The following ZNF721 variants were observed in gnomAD, a reference collection of about 807,000 sequenced individuals.
ZNF721 encodes the protein zinc finger protein 721.
In ZNF721, 2 loss-of-function variants were observed where a neutral mutation model predicts 2.4. That is an observed-to-expected ratio of 0.82 (90% CI 0.34 to 2.58). The LOEUF (loss-of-function observed/expected upper bound fraction) is 2.58. ZNF721 is among the 30% of genes most tolerant of loss of function. The pLI, the probability that ZNF721 is intolerant of heterozygous loss-of-function variation, is 0.11. For synonymous variants in ZNF721, 398 were observed against 381.8 expected (o/e 1.04, Z -0.50); for missense variants, 1,187 against 1,085.5 (o/e 1.09, Z -1.31).
At chr4:490,398 G>A (rs1423735243) in intron 1 of ZNF721, among the ~76,000 whole-genome samples, 1 of 151,942 alleles carries the variant, frequency 6.6e-6, no homozygotes, top group Non-Finnish European at 1.5e-5. Context: ...GAACCCAGGA[G>A]GCAGAGCTTG....
chr4:490,567 G>T (rs1553871340), intron 1 of ZNF721, among the ~76,000 whole-genome samples: 1 of 152,134 alleles, frequency 6.6e-6, no homozygotes, highest in Non-Finnish European at 1.5e-5. Context: ...ATAAAAAATG[G>T]AAAATTCACA....
intron 1 of ZNF721, chr4:474,084 C>A (rs782472042): frequency 4.1e-5 from 56 of 1,374,224 alleles, no homozygotes; most frequent in Non-Finnish European, 5.4e-5. Flanking sequence ...ATCACCGAGG[C>A]CTCCCTGAGG....
At chr4:463,745 G>A (rs1202297103) in intron 2 of ZNF721, among the ~76,000 whole-genome samples, 5 of 152,052 alleles carry the variant, frequency 3.3e-5, no homozygotes, top group Non-Finnish European at 5.9e-5. Flanking sequence ...ATCACACACC[G>A]GGACTTGTAA....
intron 1 of ZNF721, chr4:474,092 A>G: frequency 7.5e-7 from 1 of 1,331,634 alleles, no homozygotes; most frequent in Non-Finnish European, 1.0e-6. Flanking sequence ...GGCCTCCCTG[A>G]GGTGTGGAAG....
At chr4:451,509 G>T (rs1714660810) in intron 2 of ZNF721, among the ~76,000 whole-genome samples, 1 of 152,164 alleles carries the variant, frequency 6.6e-6, no homozygotes, top group Non-Finnish European at 1.5e-5. Context: ...ACAGATGGTG[G>T]CTGACTCTGG....
chr4:456,796 T>G (rs2108699312), intron 2 of ZNF721, among the ~76,000 whole-genome samples: 1 of 152,266 alleles, frequency 6.6e-6, no homozygotes, highest in South Asian at 2.1e-4. Context: ...GAAGAATCAC[T>G]TGAATCCGGG....
chr4:463,164 G>C (rs778015568), intron 2 of ZNF721, among the ~76,000 whole-genome samples: 2 of 152,148 alleles, frequency 1.3e-5, no homozygotes, highest in Non-Finnish European at 2.9e-5. Flanking sequence ...AAAGCTCATC[G>C]TCACTGGTCG....
chr4:469,891 AC>A (rs1432651673), intron 2 of ZNF721, among the ~76,000 whole-genome samples: 1 of 151,996 alleles, frequency 6.6e-6, no homozygotes, highest in African/African-American at 2.4e-5. Context: ...TAAAAGTAGA[AC>A]TTTTTTTTTG....
Position 444,343 on chromosome 4 carries a change from A to G in ZNF721, c.124T>C (p.Cys42Arg), listed in dbSNP as rs1553863910. Reference sequence around the variant, plus strand: ...CTTAATTGTAAATTATCATGCCCACATTTCTCATATCTTCTCAGTATAAGT... The same window carrying G: ...CTTAATTGTAAATTATCATGCCCACGTTTCTCATATCTTCTCAGTATAAGT... ...HKLILRRYEK[C>R]GHDNLQLRKG... Residue 42 changes from cysteine to arginine, a missense_variant, in exon 3 of 3, where the codon TGT becomes CGT. Cys to Arg is a radical substitution (Grantham distance 180). Transcript: ENST00000511833. 1 of 1,614,046 alleles carries G rather than the reference A, an allele frequency of 6.2e-7. No homozygotes were observed. The highest frequency in any genetic ancestry group is 1.3e-5 in the African/African-American group (1 of 75,050).
chr4:495,312 A>C (rs1716121051), intron 1 of ZNF721, among the ~76,000 whole-genome samples: 1 of 109,424 alleles, frequency 9.1e-6, no homozygotes, highest in Non-Finnish European at 1.7e-5. Flanking sequence ...TCAACTGAAC[A>C]AAAAAAAAAA....
chr4:489,574 C>T (rs782175707), intron 1 of ZNF721, among the ~76,000 whole-genome samples: 2 of 152,184 alleles, frequency 1.3e-5, no homozygotes, highest in Non-Finnish European at 2.9e-5. Flanking sequence ...CTGTCCCACC[C>T]ACCCTTGAGC....
At chr4:481,764 G>A (rs918170339) in intron 1 of ZNF721, among the ~76,000 whole-genome samples, 10 of 152,168 alleles carry the variant, frequency 6.6e-5, no homozygotes, top group Non-Finnish European at 4.4e-5. Context: ...ATGCCCTTCA[G>A]CAGTTGAACA....
intron 1 of ZNF721, chr4:474,218 A>G (rs931850315): frequency 8.9e-5 from 35 of 392,346 alleles, no homozygotes; most frequent in African/African-American, 7.1e-4. Flanking sequence ...GTTCTCAGTC[A>G]AGCGCTCTGA....
intron 2 of ZNF721, among the ~76,000 whole-genome samples, chr4:455,043 C>G (rs1714803058): frequency 1.3e-5 from 2 of 152,188 alleles, no homozygotes; most frequent in African/African-American, 4.8e-5. Context: ...GACTCTAGAG[C>G]CCAGGCTGTT....
intron 2 of ZNF721, among the ~76,000 whole-genome samples, 197 bp from the exon 3 acceptor site, chr4:444,629 G>A (rs552190161): frequency 1.3e-5 from 2 of 152,304 alleles, no homozygotes; most frequent in Non-Finnish European, 2.9e-5. Context: ...TGAGTTAATT[G>A]TATGCAATCC....
chr4:465,680 G>A (rs564045848), intron 2 of ZNF721, among the ~76,000 whole-genome samples: 6 of 151,556 alleles, frequency 4.0e-5, no homozygotes, highest in Non-Finnish European at 8.8e-5. Flanking sequence ...GATCGGCCTC[G>A]TGATCGGCCT....
At chr4:452,377 C>G (rs538184271) in intron 2 of ZNF721, among the ~76,000 whole-genome samples, 2 of 152,204 alleles carry the variant, frequency 1.3e-5, no homozygotes, top group Non-Finnish European at 2.9e-5. Context: ...GGCTAAAATA[C>G]TAGAATTTGC....
chr4:498,865 C>T (rs1553873389), intron 1 of ZNF721, among the ~76,000 whole-genome samples, 191 bp downstream of exon 1: 1 of 151,938 alleles, frequency 6.6e-6, no homozygotes, highest in African/African-American at 2.4e-5. Flanking sequence ...GCTGGGACGA[C>T]AGGCACCCGC....
At chr4:465,999 C>CTT (rs1205295172) in intron 2 of ZNF721, among the ~76,000 whole-genome samples, 8 of 134,272 alleles carry the variant, frequency 6.0e-5, no homozygotes, top group African/African-American at 1.1e-4. Context: ...TTTTTCTTTT[C>CTT]TTTTTTTTTT....
Sources: allele counts gnomAD v4.1 joint callset (sites outside exome capture counted in the v4.1 genomes callset), GRCh38; gene constraint gnomAD v4.1.1; transcripts MANE v1.5; gene names NCBI Gene and HGNC (gene_info 2026-07-23, HGNC 2026-07-21).